PDGFRL: variants seen among roughly 807,000 people sequenced by gnomAD.
PDGFRL encodes platelet derived growth factor receptor like.
A neutral mutation model predicts 37.2 loss-of-function variants in PDGFRL; 46 were observed. The ratio of observed to expected loss-of-function variants is 1.24; its 90% CI spans 0.98 to 1.58. PDGFRL has a LOEUF of 1.58. Among genes scored for constraint, PDGFRL ranks in the 40% most tolerant of loss-of-function variants. The pLI is 0.00. For missense variants in PDGFRL, 692 were observed against 467.6 expected, an observed-to-expected ratio of 1.48 and a Z score of -4.43; for synonymous variants, 251 against 184.3, an observed-to-expected ratio of 1.36 and a Z score of -2.93.
upstream of PDGFRL, chr8:17,577,199 C>A (rs1359515060): frequency 6.3e-7 from 1 of 1,583,822 alleles, no homozygotes; most frequent in African/African-American, 1.3e-5. Context: ...TCCCCTGCGT[C>A]CCCGCCCCGC....
intron 2 of PDGFRL, among the ~76,000 whole-genome samples, chr8:17,609,648 AAAAAAAAAAAAAAAAAAT>A: frequency 8.1e-6 from 1 of 123,072 alleles, no homozygotes; most frequent in Admixed American, 8.8e-5. Flanking sequence ...AAAAAAAAAA[AAAAAAAAAAAAAAAAAAT>A]AAGAGCCAAA....
At chr8:17,618,490 T>C (rs2283105) in intron 2 of PDGFRL, among the ~76,000 whole-genome samples, 81,835 of 152,082 alleles carry the variant, frequency 0.54, 22,670 homozygotes, top group Middle Eastern at 0.66. Flanking sequence ...ACACAATGAA[T>C]CAGGCATTGC....
At chr8:17,613,572 C>G (rs1470242858) in intron 2 of PDGFRL, among the ~76,000 whole-genome samples, 2 of 152,074 alleles carry the variant, frequency 1.3e-5, no homozygotes, top group Non-Finnish European at 2.9e-5. Flanking sequence ...CTTAGGGTGA[C>G]TTCTTTTTCA....
intron 3 of PDGFRL, among the ~76,000 whole-genome samples, chr8:17,625,947 A>G (rs1804725045): frequency 6.6e-6 from 1 of 152,112 alleles, no homozygotes; most frequent in South Asian, 2.1e-4. Context: ...GTAAGTCATG[A>G]TGGTGCCACT....
chr8:17,587,214 G>T (rs1467733624), intron 1 of PDGFRL, among the ~76,000 whole-genome samples: 2 of 152,098 alleles, frequency 1.3e-5, no homozygotes, highest in Non-Finnish European at 2.9e-5. Context: ...TCAGCTGGTG[G>T]GGCTATTTGG....
At chr8:17,591,125 G>A (rs923272121) in intron 2 of PDGFRL, among the ~76,000 whole-genome samples, 8 of 151,852 alleles carry the variant, frequency 5.3e-5, no homozygotes, top group African/African-American at 9.7e-5. Flanking sequence ...CTCATGATCC[G>A]CCTGCCTCGG....
In PDGFRL at chr8:17,642,721, A is replaced by C. The variant is rs1365258226; in HGVS notation, c.1048A>C (p.Ile350Leu). ...CATTACAGTGGAAGACTTTGAGACG[A>C]TTGATGCAGGATATTACATTTGCAC... ...SVITVEDFET[I>L]DAGYYICTAQ... Residue 350 changes from isoleucine (I) to leucine (L), a missense_variant, in exon 6 of 6, where the codon ATT becomes CTT. Physicochemically the swap from Ile to Leu is conservative, Grantham distance 5. Transcript: ENST00000251630. 6.2e-7 allele frequency: 1 copy of C among 1,606,682 alleles called. No homozygotes were observed. Among genetic ancestry groups the C allele is most frequent in the Non-Finnish European group, 8.5e-7 (1 of 1,173,120 alleles).
At chr8:17,583,337 T>C (rs1193435902) in intron 1 of PDGFRL, among the ~76,000 whole-genome samples, 3 of 152,094 alleles carry the variant, frequency 2.0e-5, no homozygotes, top group Non-Finnish European at 4.4e-5. Flanking sequence ...GACATTCAAC[T>C]CCAACCTGTC....
intron 2 of PDGFRL, among the ~76,000 whole-genome samples, chr8:17,615,651 C>T (rs1481913715): frequency 2.6e-5 from 4 of 152,166 alleles, no homozygotes; most frequent in Non-Finnish European, 5.9e-5. Context: ...TGTGGTGGCT[C>T]ATGCCTGTAA....
In PDGFRL at chr8:17,643,037, T is replaced by A; in HGVS notation, c.*236T>A. On this transcript the variant is annotated 3_prime_UTR_variant, in exon 6 of 6. Coordinates refer to ENST00000251630, the MANE Select transcript of PDGFRL (RefSeq NM_001372073.1). ...TTTTGATTGCTTACCTACATACGTG[T>A]TCCTAGTTTTTATACATGTGTAAAC... The A allele has an allele frequency of 2.4e-6, 1 of 422,340 alleles. No individual in the cohort carries two copies. The highest frequency in any genetic ancestry group is 4.1e-6 in the Non-Finnish European group (1 of 241,380). The allele number at this position is 422,340 out of a possible 1,614,324, so 26.2% of individuals were successfully genotyped here.
intron 4 of PDGFRL, among the ~76,000 whole-genome samples, chr8:17,630,824 G>GC (rs5889726): frequency 0.089 from 13,518 of 152,120 alleles, 842 homozygotes; most frequent in African/African-American, 0.18. Context: ...CCTGTCACAA[G>GC]CCCCCTTGGT....
In PDGFRL at chr8:17,621,123, C is replaced by G; in HGVS notation, c.426C>G (p.Ser142Arg). 6.2e-7 allele frequency: 1 copy of G among 1,612,256 alleles called. No homozygotes were observed. The change falls in exon 3 of 6, where the codon AGC (serine) becomes AGG (arginine). Residue 142 changes from serine (S) to arginine (R), a missense_variant. Physicochemically the swap from Ser to Arg is moderately radical, Grantham distance 110 (BLOSUM62 -1). Coordinates refer to ENST00000251630, the MANE Select transcript of PDGFRL (RefSeq NM_001372073.1). ...NSTSADTGEF[S>R]CWVQLCSGYI... ...CCTCGGCAGACACAGGTGAATTCAG[C>G]TGCTGGGTGCAGCTCTGCAGCGGCT...
At chr8:17,579,556 GTTATTATTATTA>G (rs3988349) in intron 1 of PDGFRL, among the ~76,000 whole-genome samples, 4 of 119,542 alleles carry the variant, frequency 3.3e-5, no homozygotes, top group Non-Finnish European at 5.2e-5. Context: ...TATTATTATT[GTTATTATTATTA>G]TTATTATTAT....
intron 4 of PDGFRL, among the ~76,000 whole-genome samples, chr8:17,631,131 GAACGCTGCAACA>G (rs1804853073): frequency 6.6e-6 from 1 of 152,144 alleles, no homozygotes; most frequent in Non-Finnish European, 1.5e-5. Context: ...TTGCGTTGCA[GAACGCTGCAACA>G]CCCCCCACAT....
intron 2 of PDGFRL, among the ~76,000 whole-genome samples, chr8:17,615,301 G>C (rs2129737381): frequency 7.7e-6 from 1 of 130,556 alleles, no homozygotes; most frequent in African/African-American, 2.5e-5. Flanking sequence ...TCATATTTTT[G>C]TTTGTGATTT....
intron 1 of PDGFRL, among the ~76,000 whole-genome samples, chr8:17,580,120 C>G (rs1034274156): frequency 2.0e-5 from 3 of 152,100 alleles, no homozygotes; most frequent in Admixed American, 2.0e-4. Flanking sequence ...AACATGAGAT[C>G]CTTGATCCAT....
At position 17,589,772 on chromosome 8, in the gene PDGFRL, AT is replaced by A. The variant is rs570366877; in HGVS notation, c.353+16del. 7.7e-4 allele frequency: 1,190 copies of A among 1,545,748 alleles called. No individual in the cohort carries two copies. Among genetic ancestry groups the A allele is most frequent in the Non-Finnish European group, 8.8e-4 (994 of 1,134,054 alleles). On this transcript the variant is annotated splice_region_variant and intron_variant, in intron 2 of 5. Transcript: ENST00000251630. The stretch of plus-strand genomic sequence containing the variant: ...TTAAGGATTCTCGCCTCAGGTAAGC[AT>A]TTTTTTTTAAAACTGTGTAGGGTTG...
intron 2 of PDGFRL, among the ~76,000 whole-genome samples, chr8:17,595,167 C>G (rs1246107054): frequency 6.6e-6 from 1 of 152,106 alleles, no homozygotes; most frequent in Non-Finnish European, 1.5e-5. Context: ...AGAGCAAGGC[C>G]CCCCATTAAG....
At chr8:17,625,364 A>T (rs1016198499) in intron 3 of PDGFRL, among the ~76,000 whole-genome samples, 7 of 151,874 alleles carry the variant, frequency 4.6e-5, no homozygotes, top group Non-Finnish European at 4.4e-5. Context: ...GTTGTCCAGG[A>T]GGGTCTCGGT....
Sources: allele counts gnomAD v4.1 joint callset (sites outside exome capture counted in the v4.1 genomes callset), GRCh38; gene constraint gnomAD v4.1.1; transcripts MANE v1.5; gene names NCBI Gene and HGNC (gene_info 2026-07-23, HGNC 2026-07-21).